The following ANKRD29 variants were observed in gnomAD, a reference collection of about 807,000 sequenced individuals.
The protein encoded by ANKRD29 is ankyrin repeat domain 29.
Under a neutral mutation model 38.0 loss-of-function variants are expected in ANKRD29, and 32 were observed. The observed-to-expected ratio is 0.84, with a 90% CI of 0.64 to 1.13. The LOEUF is 1.13. ANKRD29 is among the 50% of genes most tolerant of loss of function. The pLI is 0.00. For missense variants in ANKRD29, 357 were observed against 377.9 expected, an observed-to-expected ratio of 0.94 and a Z score of 0.46; for synonymous variants, 135 against 152.4, an observed-to-expected ratio of 0.89 and a Z score of 0.84.
At chr18:23,608,525 C>T (rs2059600403) in intron 9 of ANKRD29, among the ~76,000 whole-genome samples, 1 of 152,202 alleles carries the variant, frequency 6.6e-6, no homozygotes, top group Non-Finnish European at 1.5e-5. Context: ...AGGAGATGCA[C>T]AAGGAATTGC....
Position 23,638,870 on chromosome 18 carries a change from T to C in ANKRD29, c.309A>G (p.Ala103=). 1.2e-6 allele frequency: 2 copies of C among 1,611,634 alleles called. No individual in the cohort carries two copies. Among genetic ancestry groups the C allele is most frequent in the Non-Finnish European group, 1.7e-6 (2 of 1,179,456 alleles). ...TCACTTTGGTCCTAAATTCAGTGGATGCTCCAAATCCAAAGAGAAATCTCA... is the reference window on the plus strand; with the variant it reads ...TCACTTTGGTCCTAAATTCAGTGGACGCTCCAAATCCAAAGAGAAATCTCA... The part of the protein sequence containing the change: ...DVVRFLFGFG[A]STEFRTKDGG... Residue 103 remains alanine (A), a synonymous_variant, in exon 4 of 10, where the codon GCA becomes GCG. Transcript: ENST00000592179.
chr18:23,623,804 G>A (rs868867594), intron 6 of ANKRD29, among the ~76,000 whole-genome samples: 7 of 151,702 alleles, frequency 4.6e-5, no homozygotes, highest in Admixed American at 1.3e-4. Context: ...CACCACGCCC[G>A]GCTAATTTTT....
At chr18:23,621,097 A>G (rs2059791938) in intron 6 of ANKRD29, among the ~76,000 whole-genome samples, 1 of 152,150 alleles carries the variant, frequency 6.6e-6, no homozygotes, top group Non-Finnish European at 1.5e-5. Context: ...CTTCGGAGAG[A>G]AAGGCAGGAG....
At position 23,601,109 on chromosome 18, in the gene ANKRD29, TG is replaced by T; in HGVS notation, c.*116del. ...TCTTCTTTGTCAGGGACCCACAGGA[TG>T]GGCATTCTGGGCATCTTTTTTTTTC... On this transcript the variant is annotated 3_prime_UTR_variant, in exon 10 of 10. Coordinates refer to ENST00000592179, the MANE Select transcript of ANKRD29 (RefSeq NM_173505.4). The T allele has an allele frequency of 1.1e-6, 1 of 870,660 alleles. No individual in the cohort carries two copies. The highest frequency in any genetic ancestry group is 1.8e-6 in the Non-Finnish European group (1 of 564,158). 53.9% of individuals were successfully genotyped at this position (870,660 alleles called of 1,614,324 possible). A position where few individuals can be genotyped will look rare whatever the true frequency, so the allele number is the denominator to read the frequency against.
intron 3 of ANKRD29, 121 bp downstream of exon 3, chr18:23,646,068 A>G (rs1456554689): frequency 1.2e-6 from 1 of 863,322 alleles, no homozygotes; most frequent in African/African-American, 1.7e-5. Context: ...TAAACTCTGC[A>G]ATGGGCTTTA....
At chr18:23,637,748 A>G (rs2060020820) in intron 4 of ANKRD29, among the ~76,000 whole-genome samples, 1 of 152,152 alleles carries the variant, frequency 6.6e-6, no homozygotes, top group Non-Finnish European at 1.5e-5. Flanking sequence ...AACTCCCTTG[A>G]TATCTAAATA....
At chr18:23,619,152 A>C (rs916676130) in intron 7 of ANKRD29, among the ~76,000 whole-genome samples, 2 of 152,208 alleles carry the variant, frequency 1.3e-5, no homozygotes, top group Non-Finnish European at 2.9e-5. Context: ...AGGGGTCTGC[A>C]GCTCCAGGGA....
chr18:23,649,095 G>C lies in ANKRD29; in HGVS notation c.120C>G (p.Asp40Glu). The C allele has an allele frequency of 6.2e-7, 1 of 1,614,144 alleles. No homozygotes were observed. The highest frequency in any genetic ancestry group is 1.1e-5 in the South Asian group (1 of 91,070). The part of the protein sequence containing the change: ...LLLNSGRVDV[D>E]CRDSHGTTLL... ...CGAACCACCGTACGCTGTCTCTGCA[G>C]TCCACGTCCACCCGGCCGCTGTTCA... Residue 40 changes from aspartate to glutamate, a missense_variant, in exon 2 of 10, where the codon GAC becomes GAG. Transcript: ENST00000592179.
At chr18:23,625,593 T>A (rs2059852791) in intron 6 of ANKRD29, among the ~76,000 whole-genome samples, 1 of 152,130 alleles carries the variant, frequency 6.6e-6, no homozygotes, top group African/African-American at 2.4e-5. Context: ...TGAGGCCTGG[T>A]TGGAATAGGA....
intron 5 of ANKRD29, among the ~76,000 whole-genome samples, chr18:23,632,527 G>GTATATATATATATATATATA (rs1313797895): frequency 1.7e-5 from 1 of 60,496 alleles, no homozygotes; most frequent in African/African-American, 6.2e-5. Context: ...GTGTGTGTGT[G>GTATATATATATATATATATA]TGTGTGTATA....
chr18:23,618,188 T>C (rs2059747978), intron 7 of ANKRD29, among the ~76,000 whole-genome samples: 1 of 152,218 alleles, frequency 6.6e-6, no homozygotes, highest in Admixed American at 6.5e-5. Context: ...GCAGAAATGG[T>C]TAACTGTCTT....
chr18:23,656,041 C>A (rs1254742550), intron 1 of ANKRD29, among the ~76,000 whole-genome samples: 3 of 145,568 alleles, frequency 2.1e-5, no homozygotes, highest in Non-Finnish European at 4.5e-5. Context: ...TGCAGTGAGC[C>A]GAGATCCCGC....
intron 1 of ANKRD29, among the ~76,000 whole-genome samples, chr18:23,653,293 C>G (rs531516524): frequency 1.3e-5 from 2 of 152,220 alleles, no homozygotes; most frequent in Non-Finnish European, 2.9e-5. Flanking sequence ...CTCTGTCACC[C>G]AGGCTGGAGT....
intron 6 of ANKRD29, among the ~76,000 whole-genome samples, chr18:23,622,424 G>A (rs771628112): frequency 6.6e-6 from 1 of 152,154 alleles, no homozygotes; most frequent in Non-Finnish European, 1.5e-5. Flanking sequence ...TCCACCAGAG[G>A]GCGGGCAGGG....
intron 4 of ANKRD29, among the ~76,000 whole-genome samples, chr18:23,637,772 A>T (rs2060021227): frequency 6.6e-6 from 1 of 152,140 alleles, no homozygotes; most frequent in South Asian, 2.1e-4. Context: ...CACAAAAAGG[A>T]TTAACTAAGA....
chr18:23,627,033 T>A (rs2059870301), intron 6 of ANKRD29, among the ~76,000 whole-genome samples: 1 of 152,214 alleles, frequency 6.6e-6, no homozygotes, highest in South Asian at 2.1e-4. Flanking sequence ...ATGCTCTACC[T>A]ATAGAATATA....
intron 3 of ANKRD29, among the ~76,000 whole-genome samples, chr18:23,641,578 G>A (rs879692231): frequency 6.6e-6 from 1 of 152,258 alleles, no homozygotes; most frequent in Admixed American, 6.5e-5. Context: ...CTGAGGGGCT[G>A]AGGGCAGCTA....
At chr18:23,619,110 G>T (rs1469882850) in intron 7 of ANKRD29, among the ~76,000 whole-genome samples, 1 of 152,210 alleles carries the variant, frequency 6.6e-6, no homozygotes, top group Non-Finnish European at 1.5e-5. Flanking sequence ...GAGGCCAGTG[G>T]ATGACGGCGG....
At chr18:23,630,268 T>G (rs1341205370) in intron 5 of ANKRD29, among the ~76,000 whole-genome samples, 1 of 152,106 alleles carries the variant, frequency 6.6e-6, no homozygotes, top group African/African-American at 2.4e-5. Context: ...CTACTAAAAA[T>G]ACAAAATAAT....
Sources: allele counts gnomAD v4.1 joint callset (sites outside exome capture counted in the v4.1 genomes callset), GRCh38; gene constraint gnomAD v4.1.1; transcripts MANE v1.5; gene names NCBI Gene and HGNC (gene_info 2026-07-23, HGNC 2026-07-21).